The following LSAMP variants were observed in gnomAD, a reference collection of about 807,000 sequenced individuals.
LSAMP encodes the protein limbic system-associated membrane protein.
LSAMP carries 7 observed loss-of-function variants against 38.6 expected under a neutral mutation model. The ratio of observed to expected loss-of-function variants is 0.18; its 90% CI spans 0.10 to 0.34. LSAMP has a LOEUF of 0.34. Ranked by LOEUF, LSAMP falls within the 10% of genes least tolerant of loss-of-function variation. The pLI is 1.00. For synonymous variants in LSAMP, 154 were observed against 166.8 expected (o/e 0.92, Z 0.59); for missense variants, 313 against 420.0 (o/e 0.75, Z 2.23).
chr3:116,382,516 A>AG (rs2048573904), intron 1 of LSAMP, among the ~76,000 whole-genome samples: 1 of 104,628 alleles, frequency 9.6e-6, no homozygotes, highest in Non-Finnish European at 2.0e-5. Flanking sequence ...GGGTCGGGGG[A>AG]GGGGGGAGGG....
At chr3:116,097,013 GA>G in intron 1 of LSAMP, among the ~76,000 whole-genome samples, 1 of 152,210 alleles carries the variant, frequency 6.6e-6, no homozygotes, top group African/African-American at 2.4e-5. Flanking sequence ...TGTTCTCTGT[GA>G]AAAATACCTC....
intron 3 of LSAMP, among the ~76,000 whole-genome samples, chr3:115,889,962 C>A (rs1936553858): frequency 6.6e-6 from 1 of 151,962 alleles, no homozygotes; most frequent in Non-Finnish European, 1.5e-5. Context: ...AAAACACACT[C>A]TTTTGCAACT....
intron 1 of LSAMP, among the ~76,000 whole-genome samples, chr3:116,137,979 C>G (rs1453295135): frequency 6.6e-6 from 1 of 152,092 alleles, no homozygotes; most frequent in East Asian, 1.9e-4. Flanking sequence ...GAAAACAAAG[C>G]CTGACCAGCC....
intron 6 of LSAMP, among the ~76,000 whole-genome samples, chr3:115,824,641 G>T (rs974801850): frequency 1.3e-5 from 2 of 151,498 alleles, no homozygotes; most frequent in Non-Finnish European, 2.9e-5. Flanking sequence ...GGCGGAGGTT[G>T]CAGTGAGCAG....
At chr3:116,011,468 A>G (rs1000528484) in intron 3 of LSAMP, among the ~76,000 whole-genome samples, 3 of 152,176 alleles carry the variant, frequency 2.0e-5, no homozygotes, top group Admixed American at 1.3e-4. Context: ...TAATTTCAAG[A>G]GTGTTCCAGG....
At chr3:115,886,987 A>C (rs903018647) in intron 3 of LSAMP, among the ~76,000 whole-genome samples, 1 of 151,944 alleles carries the variant, frequency 6.6e-6, no homozygotes, top group African/African-American at 2.4e-5. Flanking sequence ...CTATTCTCCC[A>C]TGACGGAGAC....
At chr3:116,367,889 A>C (rs543406721) in intron 1 of LSAMP, 4 of 152,116 alleles carry the variant, frequency 2.6e-5, no homozygotes, top group African/African-American at 9.6e-5. Context: ...TACTAACAGG[A>C]GCAATGACAC....
chr3:116,396,684 T>C (rs2048772177), intron 1 of LSAMP, among the ~76,000 whole-genome samples: 1 of 152,220 alleles, frequency 6.6e-6, no homozygotes, highest in South Asian at 2.1e-4. Flanking sequence ...GATATCTCCC[T>C]TGGACTCTAG....
intron 1 of LSAMP, among the ~76,000 whole-genome samples, chr3:116,407,923 A>AT (rs2048918940): frequency 1.3e-5 from 2 of 152,146 alleles, no homozygotes; most frequent in South Asian, 4.1e-4. Flanking sequence ...GTTTCATCCT[A>AT]TTTTATATAG....
intron 1 of LSAMP, among the ~76,000 whole-genome samples, chr3:116,402,304 A>T (rs1050301176): frequency 6.6e-6 from 1 of 152,182 alleles, no homozygotes; most frequent in Non-Finnish European, 1.5e-5. Flanking sequence ...ATCACTTTTC[A>T]TTTAAGAAAG....
chr3:115,827,631 T>C (rs1934466407), intron 6 of LSAMP, among the ~76,000 whole-genome samples: 1 of 152,068 alleles, frequency 6.6e-6, no homozygotes, highest in African/African-American at 2.4e-5. Context: ...AACTATAGAG[T>C]AAACTATGGC....
intron 3 of LSAMP, among the ~76,000 whole-genome samples, chr3:115,854,276 A>ATTTTTTTTTT (rs1272758193): frequency 3.3e-5 from 4 of 119,600 alleles, no homozygotes; most frequent in Non-Finnish European, 5.2e-5. Flanking sequence ...TATTATTATT[A>ATTTTTTTTTT]TTATTATTTT....
At chr3:115,912,725 T>A (rs571000996) in intron 3 of LSAMP, among the ~76,000 whole-genome samples, 10 of 152,286 alleles carry the variant, frequency 6.6e-5, no homozygotes, top group African/African-American at 2.4e-4. Context: ...GTTTAAAAAA[T>A]TTTTTGTCTT....
intron 1 of LSAMP, among the ~76,000 whole-genome samples, chr3:116,276,458 T>C (rs893835385): frequency 6.6e-6 from 1 of 151,762 alleles, no homozygotes; most frequent in Non-Finnish European, 1.5e-5. Context: ...CTCACTGATA[T>C]GTGGGAGTTA....
chr3:116,205,099 C>T (rs1332963601), intron 1 of LSAMP, among the ~76,000 whole-genome samples: 5 of 144,644 alleles, frequency 3.5e-5, no homozygotes, highest in African/African-American at 1.3e-4. Context: ...TTGTAGTTCT[C>T]CTTGAAGAGG....
At chr3:116,138,310 T>A (rs1291922474) in intron 1 of LSAMP, among the ~76,000 whole-genome samples, 1 of 152,114 alleles carries the variant, frequency 6.6e-6, no homozygotes, top group Non-Finnish European at 1.5e-5. Context: ...TGAAACATAA[T>A]TCATAATTCA....
intron 1 of LSAMP, among the ~76,000 whole-genome samples, chr3:116,136,607 C>A (rs1709252766): frequency 6.6e-6 from 1 of 152,074 alleles, no homozygotes; most frequent in Admixed American, 6.6e-5. Context: ...CTTTAAAAAT[C>A]CTACTTTGCT....
In LSAMP at chr3:116,200,341, G is replaced by T. The variant is rs534073909; in HGVS notation, c.156-113785C>A. Among the ~76,000 whole-genome samples, 3 of 152,306 alleles carry T rather than the reference G, an allele frequency of 2.0e-5. No homozygotes were observed. In the East Asian group the frequency reaches 5.8e-4, roughly 29 times the overall value. ...CAGCCACATGCTTAGGTTGAGGATGGTATCATCTGGATATTGTTCCCTAAG... is the reference window on the plus strand; with the variant it reads ...CAGCCACATGCTTAGGTTGAGGATGTTATCATCTGGATATTGTTCCCTAAG... On this transcript the variant is annotated intron_variant, in intron 1 of 6. Transcript: ENST00000490035.
intron 1 of LSAMP, among the ~76,000 whole-genome samples, chr3:116,268,568 G>A (rs1461942243): frequency 6.6e-6 from 1 of 152,082 alleles, no homozygotes; most frequent in Non-Finnish European, 1.5e-5. Flanking sequence ...GTGGGGATAT[G>A]AGAAAGAACT....
Sources: allele counts gnomAD v4.1 joint callset (sites outside exome capture counted in the v4.1 genomes callset), GRCh38; gene constraint gnomAD v4.1.1; transcripts MANE v1.5; gene names NCBI Gene and HGNC (gene_info 2026-07-23, HGNC 2026-07-21).